The following PDK1 variants were observed in gnomAD, a reference collection of about 807,000 sequenced individuals.
PDK1 encodes the protein [Pyruvate dehydrogenase (acetyl-transferring)] kinase isozyme 1, mitochondrial.
PDK1 carries 39 observed loss-of-function variants against 54.2 expected under a neutral mutation model. That is an observed-to-expected ratio of 0.72 (90% CI 0.56 to 0.94). The LOEUF is 0.94. Ranked by LOEUF, PDK1 falls within the 40% of genes least tolerant of loss-of-function variation. PDK1 has a pLI of 0.00. For missense variants in PDK1, 552 were observed against 566.0 expected (o/e 0.98, Z 0.25); for synonymous variants, 221 against 207.1 (o/e 1.07, Z -0.58).
chr2:172,623,791 G>A, the PDK1 span, among the ~76,000 whole-genome samples: 2 of 152,078 alleles, frequency 1.3e-5, no homozygotes, highest in African/African-American at 2.4e-5. Flanking sequence ...TGACATTCTA[G>A]ACTTACACAA....
chr2:172,636,699 C>T, the PDK1 span, among the ~76,000 whole-genome samples: 1 of 143,740 alleles, frequency 7.0e-6, no homozygotes, highest in Non-Finnish European at 1.5e-5. Context: ...CCAGCCTGGG[C>T]GACAGAGCAA....
At chr2:172,555,852 G>C (rs555167604), upstream of PDK1, 80 of 283,088 alleles carry the variant, frequency 2.8e-4, no homozygotes, top group African/African-American at 1.2e-3. Context: ...GGCTGGGGCG[G>C]GATCTGGGCG....
intron 9 of PDK1, among the ~76,000 whole-genome samples, chr2:172,588,252 C>A (rs549949996): frequency 6.6e-6 from 1 of 152,294 alleles, no homozygotes; most frequent in East Asian, 1.9e-4. Flanking sequence ...TAGAAGGGAG[C>A]TGCTGTTTTT....
chr2:172,673,176 C>T, the PDK1 span, among the ~76,000 whole-genome samples: 6 of 152,178 alleles, frequency 3.9e-5, no homozygotes, highest in East Asian at 1.9e-4. Context: ...GCATACTTCC[C>T]GGGTCTTGCA....
At chr2:172,713,134 A>G in the PDK1 span, among the ~76,000 whole-genome samples, 2 of 152,184 alleles carry the variant, frequency 1.3e-5, no homozygotes, top group African/African-American at 2.4e-5. Flanking sequence ...CAGGTTGTAC[A>G]GAGTGTACAG....
chr2:172,582,964 G>A (rs917243300), intron 8 of PDK1, among the ~76,000 whole-genome samples: 4 of 152,042 alleles, frequency 2.6e-5, no homozygotes, highest in African/African-American at 9.7e-5. Context: ...TTCTTATTTT[G>A]TACTTGCTAG....
In PDK1 at chr2:172,600,634, G is replaced by A. The variant is rs770265320; in HGVS notation, c.*4665G>A. On this transcript the variant is annotated 3_prime_UTR_variant, in exon 11 of 11. Coordinates refer to ENST00000282077, the MANE Select transcript of PDK1 (RefSeq NM_002610.5). Reference sequence around the variant, plus strand: ...CAGCTCTGTTACAGAGAGGGGTTCCGAGCAGGTTGCCAAGTTGTAGTAAAA... The same window carrying A: ...CAGCTCTGTTACAGAGAGGGGTTCCAAGCAGGTTGCCAAGTTGTAGTAAAA... 3.3e-5 allele frequency: 5 copies of A among 152,168 alleles called. No homozygotes were observed. The highest frequency in any genetic ancestry group is 1.2e-4 in the African/African-American group (5 of 41,432). The allele number at this position is 152,168 out of a possible 1,614,324, so 9.4% of individuals were successfully genotyped here.
the PDK1 span, among the ~76,000 whole-genome samples, chr2:172,633,605 AC>A: frequency 6.6e-6 from 1 of 151,342 alleles, no homozygotes; most frequent in African/African-American, 2.4e-5. Flanking sequence ...TTTGAAAAGT[AC>A]AATATGTAAC....
chr2:172,675,553 G>C, the PDK1 span, among the ~76,000 whole-genome samples: 1 of 152,188 alleles, frequency 6.6e-6, no homozygotes, highest in African/African-American at 2.4e-5. Flanking sequence ...TCCAGAGCAA[G>C]GCCCTAACTC....
chr2:172,718,528 T>C, the PDK1 span, among the ~76,000 whole-genome samples: 2 of 152,172 alleles, frequency 1.3e-5, no homozygotes, highest in Non-Finnish European at 2.9e-5. Flanking sequence ...GCATTCAGAG[T>C]AATTTGTCTT....
chr2:172,630,828 C>T, the PDK1 span, among the ~76,000 whole-genome samples: 2 of 152,084 alleles, frequency 1.3e-5, no homozygotes, highest in Non-Finnish European at 2.9e-5. Context: ...TGGGGTTTTG[C>T]CATGTTGGCC....
intron 9 of PDK1, among the ~76,000 whole-genome samples, chr2:172,586,641 G>C (rs1337833533): frequency 6.6e-6 from 1 of 151,928 alleles, no homozygotes; most frequent in Non-Finnish European, 1.5e-5. Flanking sequence ...TAGTTTTCCT[G>C]TGTAAAACCA....
chr2:172,624,779 A>G, the PDK1 span, among the ~76,000 whole-genome samples: 1 of 152,076 alleles, frequency 6.6e-6, no homozygotes, highest in African/African-American at 2.4e-5. Context: ...TGGGCGGATC[A>G]CCTGAGGTCA....
the PDK1 span, chr2:172,691,368 C>T: frequency 6.6e-6 from 1 of 150,416 alleles, no homozygotes; most frequent in Non-Finnish European, 1.5e-5. Flanking sequence ...CGCCCACAAA[C>T]CTTGTTAGGA....
At chr2:172,565,893 C>T (rs900791665) in intron 5 of PDK1, among the ~76,000 whole-genome samples, 1 of 152,164 alleles carries the variant, frequency 6.6e-6, no homozygotes, top group Non-Finnish European at 1.5e-5. Context: ...TTAATTAATT[C>T]TCCTGTTCAT....
At chr2:172,642,969 CT>C in the PDK1 span, among the ~76,000 whole-genome samples, 1 of 151,936 alleles carries the variant, frequency 6.6e-6, no homozygotes, top group African/African-American at 2.4e-5. Flanking sequence ...AGTGTCAAAC[CT>C]TTTCTCTTAG....
chr2:172,639,445 C>T, the PDK1 span, among the ~76,000 whole-genome samples: 2 of 152,222 alleles, frequency 1.3e-5, no homozygotes, highest in South Asian at 4.1e-4. Context: ...TCTGAGGTCC[C>T]CGTTTCCTTA....
chr2:172,649,675 G>A, the PDK1 span, among the ~76,000 whole-genome samples: 1 of 152,172 alleles, frequency 6.6e-6, no homozygotes, highest in East Asian at 1.9e-4. Flanking sequence ...CATGGCATGA[G>A]AACTACGTGA....
chr2:172,659,394 T>C, the PDK1 span, among the ~76,000 whole-genome samples: 4 of 152,238 alleles, frequency 2.6e-5, no homozygotes, highest in African/African-American at 7.2e-5. Flanking sequence ...CTTTGTTCCA[T>C]TCAGTATATA....
Sources: gnomAD v4.1 joint callset for allele counts (sites outside exome capture counted in the v4.1 genomes callset) on GRCh38, gnomAD v4.1.1 for gene constraint, MANE v1.5 for transcripts, NCBI Gene and HGNC (gene_info 2026-07-23, HGNC 2026-07-21) for gene names.